The following JAK3 variants were observed in gnomAD, a reference collection of about 807,000 sequenced individuals.
JAK3 encodes the protein Janus kinase 3.
A neutral mutation model predicts 120.8 loss-of-function variants in JAK3; 88 were observed. That is an observed-to-expected ratio of 0.73 (90% CI 0.61 to 0.87). JAK3 has a LOEUF of 0.87. Among genes scored for constraint, JAK3 ranks in the 40% least tolerant of loss-of-function variants. The probability of loss-of-function intolerance (pLI) is 0.00; values close to 1 mark genes in which losing one functional copy is unlikely to be tolerated. For synonymous variants in JAK3, 592 were observed against 628.6 expected (o/e 0.94, Z 0.87); for missense variants, 1,254 against 1,501.4 (o/e 0.84, Z 2.72).
rs1188392061 is a variant in JAK3, at chr19:17,841,828, C to T, written c.862-66G>A. ...ACCCCGCCAAACCACGCCCATGAAC[C>T]CACCCCCAAGCCACACCATCCACTC... is the stretch of plus-strand genomic sequence containing the variant. On this transcript the variant is annotated intron_variant, in intron 6 of 23. Transcript: ENST00000458235. The surrounding 1 kb of genome is among the most constrained non-coding windows in gnomAD (Gnocchi z 4.1). The T allele has an allele frequency of 3.1e-6, 5 of 1,592,228 alleles. No homozygotes were observed. Among genetic ancestry groups the T allele is most frequent in the African/African-American group, 1.3e-5 (1 of 74,718 alleles).
At chr19:17,846,729 C>G (rs1199200479) in intron 1 of JAK3, among the ~76,000 whole-genome samples, 1 of 151,994 alleles carries the variant, frequency 6.6e-6, no homozygotes, top group Non-Finnish European at 1.5e-5. Context: ...GGATTACAGG[C>G]GCGCACCACA....
At chr19:17,845,124 C>G in intron 1 of JAK3, among the ~76,000 whole-genome samples, 1 of 152,284 alleles carries the variant, frequency 6.6e-6, no homozygotes, top group Non-Finnish European at 1.5e-5. Context: ...CCATCATTTC[C>G]GGAGGCCAAG....
In JAK3 at chr19:17,830,237, G is replaced by C. The variant is rs1318075700; in HGVS notation, c.3097-19C>G. The C allele has an allele frequency of 6.5e-7, 1 of 1,542,038 alleles. No homozygotes were observed. The highest frequency in any genetic ancestry group is 1.2e-5 in the South Asian group (1 of 83,982). ...GGAACTCCTGGAGCCAAGGAGGAGC[G>C]CATGTGGTGGGGGAGGAGCCTCCGT... On this transcript the variant is annotated intron_variant, in intron 22 of 23. Transcript: ENST00000458235.
At position 17,844,020 on chromosome 19, in the gene JAK3, C is replaced by T. The variant is rs1008000381; in HGVS notation, c.185-120G>A. 5 of 1,335,336 alleles carry T rather than the reference C, an allele frequency of 3.7e-6. No homozygotes were observed. The African/African-American group carries it at 7.3e-5, about 19-fold the overall frequency. The allele number at this position is 1,335,336 out of a possible 1,614,324, so 82.7% of individuals were successfully genotyped here. On this transcript the variant is annotated intron_variant, in intron 2 of 23. Transcript: ENST00000458235. ...TACCTCAAGGTATGACCAGCTGTTC[C>T]CTTCATGTGCCGTCACACCTCTCCG...
intron 23 of JAK3, chr19:17,829,807 G>A (rs1167018479): frequency 1.2e-5 from 6 of 504,242 alleles, no homozygotes; most frequent in African/African-American, 1.1e-4. Flanking sequence ...ACCATTTATG[G>A]AGCATCGACT....
chr19:17,845,958 C>T (rs142936557), intron 1 of JAK3, among the ~76,000 whole-genome samples: 1,810 of 152,186 alleles, frequency 0.012, 98 homozygotes, highest in Admixed American at 0.1. Flanking sequence ...GCTGGGATTA[C>T]AGGGGCACGC....
chr19:17,840,707 G>A (rs2094236212), intron 8 of JAK3, among the ~76,000 whole-genome samples: 1 of 151,678 alleles, frequency 6.6e-6, no homozygotes, highest in Admixed American at 6.6e-5. Context: ...AGGTTGCATT[G>A]AGCCGAGATC....
intron 23 of JAK3, 104 bp from the exon 24 acceptor site, chr19:17,827,014 C>G: frequency 2.3e-6 from 3 of 1,314,338 alleles, no homozygotes; most frequent in Non-Finnish European, 3.1e-6. Context: ...GAGTCTAGCT[C>G]TGTTGTCCAG....
intron 1 of JAK3, among the ~76,000 whole-genome samples, chr19:17,845,291 C>T (rs868349014): frequency 6.6e-6 from 1 of 152,240 alleles, no homozygotes; most frequent in African/African-American, 2.4e-5. Flanking sequence ...CCTCAGCCAC[C>T]CCAGTAGCTG....
chr19:17,834,768 C>T (rs533006838), intron 16 of JAK3, 47 bp from the exon 17 acceptor site: 1 of 1,614,036 alleles, frequency 6.2e-7, no homozygotes, highest in Admixed American at 1.7e-5. Context: ...AATAGACCCA[C>T]CCCAATCTCC....
chr19:17,836,273 T>A (rs1297849893), intron 13 of JAK3, among the ~76,000 whole-genome samples: 1 of 152,234 alleles, frequency 6.6e-6, no homozygotes, highest in East Asian at 1.9e-4. Context: ...TGTATCTGTA[T>A]CTCACTTTTT....
intron 1 of JAK3, among the ~76,000 whole-genome samples, chr19:17,844,888 C>T (rs2147701948): frequency 6.6e-6 from 1 of 152,164 alleles, no homozygotes; most frequent in South Asian, 2.1e-4. Flanking sequence ...CTGCTTCCAG[C>T]CCCCAACACC....
intron 8 of JAK3, 140 bp from the exon 9 acceptor site, chr19:17,840,481 G>A (rs2094235554): frequency 1.5e-6 from 1 of 675,012 alleles, no homozygotes; most frequent in South Asian, 1.7e-5. Flanking sequence ...AATCAGCCAT[G>A]GGCCAGGCGC....
chr19:17,842,182 C>A lies in JAK3; in HGVS notation c.861+134G>T, dbSNP rs2094241033. ...CGCAGTCTCCTCCCTCACTAAGCCC[C>A]GCCCCTCATTAAGCCTCGCCCACTT... On this transcript the variant is annotated intron_variant, in intron 6 of 23. Coordinates refer to ENST00000458235, the MANE Select transcript of JAK3 (RefSeq NM_000215.4). This position sits in a 1 kb window ranked among gnomAD's most constrained non-coding sequence, Gnocchi z 6.4. 1 of 999,760 alleles carries A rather than the reference C, an allele frequency of 1.0e-6. No individual in the cohort carries two copies. The highest frequency in any genetic ancestry group is 2.6e-5 in the East Asian group (1 of 37,934). 61.9% of individuals were successfully genotyped at this position (999,760 alleles called of 1,614,324 possible). A position where few individuals can be genotyped will look rare whatever the true frequency, so the allele number is the denominator to read the frequency against.
In JAK3 at chr19:17,831,432, G is replaced by T. The variant is rs2094214341; in HGVS notation, c.2806-32C>A. The T allele has an allele frequency of 6.3e-7, 1 of 1,599,422 alleles. No homozygotes were observed. The highest frequency in any genetic ancestry group is 1.1e-5 in the South Asian group (1 of 91,042). On this transcript the variant is annotated intron_variant, in intron 20 of 23. Coordinates refer to ENST00000458235, the MANE Select transcript of JAK3 (RefSeq NM_000215.4). This position sits in a 1 kb window ranked among gnomAD's most constrained non-coding sequence, Gnocchi z 5.1. ...GCGGGCGGTGTGAGCGTGCAGAGAGGATCCCAGGATAATCCGGCAGGTACC... is the reference window on the plus strand; with the variant it reads ...GCGGGCGGTGTGAGCGTGCAGAGAGTATCCCAGGATAATCCGGCAGGTACC...
In JAK3 at chr19:17,831,938, T is replaced by C; in HGVS notation, c.2681-140A>G. The stretch of plus-strand genomic sequence containing the variant: ...TATGGGAACCGCAACAATGACACAT[T>C]GCTAATATCTCTTGAGTACTTTCTA... On this transcript the variant is annotated intron_variant, in intron 19 of 23. Transcript: ENST00000458235. This position sits in a 1 kb window ranked among gnomAD's most constrained non-coding sequence, Gnocchi z 5.1. The C allele has an allele frequency of 1.0e-6, 1 of 993,542 alleles. No individual in the cohort carries two copies. The highest frequency in any genetic ancestry group is 1.5e-6 in the Non-Finnish European group (1 of 648,070). 61.5% of individuals were successfully genotyped at this position (993,542 alleles called of 1,614,324 possible).
At chr19:17,829,361 G>A (rs769850718) in intron 23 of JAK3, among the ~76,000 whole-genome samples, 2 of 152,078 alleles carry the variant, frequency 1.3e-5, no homozygotes, top group Non-Finnish European at 2.9e-5. Context: ...GTGTCACCAT[G>A]TTGGCCAGGC....
intron 10 of JAK3, chr19:17,839,090 G>A (rs2094231357): frequency 7.1e-5 from 26 of 365,552 alleles, no homozygotes; most frequent in South Asian, 5.2e-4. Context: ...GAAGGAAGGA[G>A]CCCTGCAGGG....
intron 13 of JAK3, among the ~76,000 whole-genome samples, chr19:17,836,564 G>T (rs990202093): frequency 6.6e-6 from 1 of 152,134 alleles, no homozygotes; most frequent in Non-Finnish European, 1.5e-5. Context: ...GAGCCACCAC[G>T]CCCAGCCTCT....
Sources: allele counts gnomAD v4.1 joint callset (sites outside exome capture counted in the v4.1 genomes callset), GRCh38; gene constraint gnomAD v4.1.1; non-coding constraint Gnocchi (gnomAD v3.1); transcripts MANE v1.5; gene names NCBI Gene and HGNC (gene_info 2026-07-23, HGNC 2026-07-21).